The following BCL2L14 variants were observed in gnomAD, a reference collection of about 807,000 sequenced individuals.
BCL2L14 encodes the protein BCL2 like 14.
In BCL2L14, 27 loss-of-function variants were observed where a neutral mutation model predicts 35.3. The observed-to-expected ratio is 0.76, with a 90% CI of 0.56 to 1.05. BCL2L14 has a LOEUF of 1.05. BCL2L14 is among the 50% of genes least tolerant of loss of function. The pLI is 0.00. For missense variants in BCL2L14, 377 were observed against 382.6 expected (o/e 0.99, Z 0.12); for synonymous variants, 139 against 145.9 (o/e 0.95, Z 0.34).
chr12:12,077,475 G>A (rs1948806678), intron 1 of BCL2L14, among the ~76,000 whole-genome samples: 1 of 147,924 alleles, frequency 6.8e-6, no homozygotes, highest in Non-Finnish European at 1.5e-5. Flanking sequence ...AGCCGGGGAG[G>A]TTGAGGCTGT....
intron 2 of BCL2L14, among the ~76,000 whole-genome samples, chr12:12,057,225 T>C (rs576361227): frequency 2.6e-5 from 4 of 152,354 alleles, no homozygotes; most frequent in African/African-American, 7.2e-5. Flanking sequence ...CTATTTGCAT[T>C]ATAATATGCA....
chr12:12,087,052 C>T (rs141794576), intron 2 of BCL2L14, among the ~76,000 whole-genome samples, 161 bp from the exon 3 acceptor site: 236 of 152,296 alleles, frequency 1.5e-3, no homozygotes, highest in African/African-American at 5.4e-3. Context: ...TGCCAGGCAA[C>T]TTTCAGTCCT....
In BCL2L14 at chr12:12,081,085, G is replaced by A. The variant is rs373282080; in HGVS notation, c.433+1347G>A. Among the ~76,000 whole-genome samples the A allele has an allele frequency of 6.6e-4, 100 of 152,208 alleles. 1 individual carries two copies. Among genetic ancestry groups the A allele is most frequent in the African/African-American group, 2.3e-3 (94 of 41,516 alleles). On this transcript the variant is annotated intron_variant, in intron 2 of 5. Coordinates refer to ENST00000308721, the MANE Select transcript of BCL2L14 (RefSeq NM_138723.2). The stretch of plus-strand genomic sequence containing the variant: ...GCCTGTGGTCCTGGCTACTCGGGAG[G>A]CTGAGGTGGGAGGATGGCTTGAGCC...
chr12:12,060,800 C>T (rs890842129), intron 2 of BCL2L14, among the ~76,000 whole-genome samples: 2 of 130,548 alleles, frequency 1.5e-5, no homozygotes, highest in East Asian at 2.2e-4. Context: ...CCCAGAGCCC[C>T]TGGAACTCTG....
Position 12,079,625 on chromosome 12 carries a change from G to C in BCL2L14, c.320G>C (p.Ser107Thr). The change falls in exon 2 of 6, where the codon AGC (serine) becomes ACC (threonine). Residue 107 changes from serine to threonine, a missense_variant. Coordinates refer to ENST00000308721, the MANE Select transcript of BCL2L14 (RefSeq NM_138723.2). Reference sequence around the variant, plus strand: ...GTAGTGGAGAAGGAAGATTCGCAGAGCACGCCTGCCAAGGTCTCTGCTCAG... The same window carrying C: ...GTAGTGGAGAAGGAAGATTCGCAGACCACGCCTGCCAAGGTCTCTGCTCAG... ...FGVVEKEDSQSTPAKVSAQGQ... is the reference protein window; with the variant it reads ...FGVVEKEDSQTTPAKVSAQGQ... The C allele has an allele frequency of 6.2e-7, 1 of 1,614,188 alleles. No individual in the cohort carries two copies.
chr12:12,063,876 C>T (rs1214488616), intron 2 of BCL2L14, among the ~76,000 whole-genome samples: 1 of 152,036 alleles, frequency 6.6e-6, no homozygotes, highest in African/African-American at 2.4e-5. Flanking sequence ...AGCTCCCCCA[C>T]TGAGTACCTT....
chr12:12,079,427 C>T lies in BCL2L14; in HGVS notation c.122C>T (p.Ala41Val), dbSNP rs1948860572. The change falls in exon 2 of 6, where the codon GCT becomes GTT. Residue 41 changes from alanine (A) to valine (V), a missense_variant. Coordinates refer to ENST00000308721, the MANE Select transcript of BCL2L14 (RefSeq NM_138723.2). ...TRHHVFKSTP[A>V]LFSPKLLRTR... is the part of the protein sequence containing the mutation. ...CATCATGTCTTCAAGAGCACCCCTG[C>T]TCTCTTCTCACCAAAGCTGCTGAGA... 6.2e-7 allele frequency: 1 copy of T among 1,614,090 alleles called. No homozygotes were observed. Among genetic ancestry groups the T allele is most frequent in the Non-Finnish European group, 8.5e-7 (1 of 1,180,046 alleles).
intron 2 of BCL2L14, 27 bp downstream of exon 2, chr12:12,079,765 C>T (rs1391718091): frequency 3.8e-6 from 6 of 1,597,056 alleles, no homozygotes; most frequent in Non-Finnish European, 5.1e-6. Context: ...TCTTTCTCTC[C>T]CGCTTCCTGG....
At chr12:12,083,254 G>A (rs371446744) in intron 2 of BCL2L14, among the ~76,000 whole-genome samples, 166 of 152,252 alleles carry the variant, frequency 1.1e-3, no homozygotes, top group African/African-American at 3.4e-3. Context: ...GTGAGCCACC[G>A]TGCCTGGCCT....
At chr12:12,072,237 G>A (rs913707395) in intron 1 of BCL2L14, 4 of 152,246 alleles carry the variant, frequency 2.6e-5, no homozygotes, top group African/African-American at 7.2e-5. Flanking sequence ...GCCACCCACC[G>A]GGAGGGAAGT....
intron 2 of BCL2L14, among the ~76,000 whole-genome samples, chr12:12,058,074 G>A (rs536917540): frequency 1.2e-4 from 17 of 147,756 alleles, no homozygotes; most frequent in African/African-American, 3.0e-4. Context: ...CGGCCTCCCC[G>A]AGTAGCTGGG....
chr12:12,068,820 T>G (rs1948623892), upstream of BCL2L14, among the ~76,000 whole-genome samples: 1 of 152,142 alleles, frequency 6.6e-6, no homozygotes, highest in African/African-American at 2.4e-5. Flanking sequence ...TTAAGCAAGT[T>G]AAGGAATAAA....
intron 3 of BCL2L14, among the ~76,000 whole-genome samples, chr12:12,089,746 A>G (rs1400238676): frequency 6.6e-6 from 1 of 152,206 alleles, no homozygotes; most frequent in African/African-American, 2.4e-5. Context: ...AACCGTGGCC[A>G]CGTTCCTATC....
At chr12:12,085,352 G>C (rs985759517) in intron 2 of BCL2L14, among the ~76,000 whole-genome samples, 2 of 152,200 alleles carry the variant, frequency 1.3e-5, no homozygotes, top group Non-Finnish European at 2.9e-5. Context: ...CTGAGGACAT[G>C]GCCAGGGAAG....
intron 2 of BCL2L14, among the ~76,000 whole-genome samples, chr12:12,059,223 C>T (rs921469784): frequency 2.0e-5 from 3 of 151,826 alleles, no homozygotes; most frequent in African/African-American, 2.4e-5. Context: ...TGGTCCTTCA[C>T]CCTTAGCGGC....
chr12:12,065,090 G>C (rs565594573), intron 2 of BCL2L14, among the ~76,000 whole-genome samples: 1 of 152,180 alleles, frequency 6.6e-6, no homozygotes, highest in East Asian at 1.9e-4. Context: ...TTAGACTGAC[G>C]AAAGATAGAT....
At chr12:12,087,680 A>G (rs1949077866) in intron 3 of BCL2L14, among the ~76,000 whole-genome samples, 1 of 152,230 alleles carries the variant, frequency 6.6e-6, no homozygotes, top group South Asian at 2.1e-4. Flanking sequence ...TGTGGCGGAA[A>G]ATGCAATGTT....
rs185401218 is a variant in BCL2L14, at chr12:12,061,554, A to G, written c.-272+9707A>G. ...CCTTATCAACCAAATTGTTTTGCCT[A>G]TCCACCCCGTGGTGCCAAACCCATA... On this transcript the variant is annotated intron_variant, in intron 2 of 3. Transcript: ENST00000461264. 9.3e-3 allele frequency among the ~76,000 whole-genome samples: 1,418 copies of G among 152,106 alleles called. 19 individuals carry two copies. The highest frequency in any genetic ancestry group is 0.032 in the African/African-American group (1,326 of 41,454).
rs73053321 is a variant in BCL2L14 at position 12,094,902 on chromosome 12, C to T, written c.917C>T (p.Ser306Leu). 36,573 of 1,613,858 alleles carry T rather than the reference C, an allele frequency of 0.023. 608 individuals carry two copies. Among genetic ancestry groups the T allele is most frequent in the Non-Finnish European group, 0.024 (28,654 of 1,180,024 alleles). Residue 306 changes from serine (S) to leucine (L), a missense_variant, in exon 5 of 6, where the codon TCG (serine) becomes TTG (leucine). Physicochemically the swap from Ser to Leu is moderately radical, Grantham distance 145. Coordinates refer to ENST00000308721, the MANE Select transcript of BCL2L14 (RefSeq NM_138723.2). ...ACCAAGTACCTGAAAGAGAACTTCT[C>T]GCCATGGATCCAGCAGCACGGTGGA... ...FGTKYLKENF[S>L]PWIQQHGGWE...
Sources: allele counts gnomAD v4.1 joint callset (sites outside exome capture counted in the v4.1 genomes callset), GRCh38; gene constraint gnomAD v4.1.1; transcripts MANE v1.5; gene names NCBI Gene and HGNC (gene_info 2026-07-23, HGNC 2026-07-21).